The following ZSWIM9 variants were observed in gnomAD, a reference collection of about 807,000 sequenced individuals.
The protein encoded by ZSWIM9 is uncharacterized protein ZSWIM9.
In ZSWIM9, 11 loss-of-function variants were observed where a neutral mutation model predicts 25.0. The observed-to-expected ratio is 0.44, with a 90% CI of 0.28 to 0.73. The LOEUF (loss-of-function observed/expected upper bound fraction) is 0.73. ZSWIM9 is among the 30% of genes least tolerant of loss of function. The pLI is 0.16. For missense variants in ZSWIM9, 1,070 were observed against 1,296.5 expected (o/e 0.83, Z 2.68); for synonymous variants, 562 against 582.1 (o/e 0.97, Z 0.50).
At chr19:48,187,569 T>TATATATTATATATTATATATAA (rs1159441428) in intron 3 of ZSWIM9, 4 of 18,336 alleles carry the variant, frequency 2.2e-4, no homozygotes, top group Non-Finnish European at 4.5e-4. Flanking sequence ...ATATATAATA[T>TATATATTATATATTATATATAA]TATATATATT....
Position 48,196,254 on chromosome 19 carries a change from T to C in ZSWIM9, c.2190T>C (p.Asn730=), listed in dbSNP as rs2037163971. Residue 730 remains asparagine (N), a synonymous_variant, in exon 4 of 4, where the codon AAT becomes AAC. Transcript: ENST00000614654. ...LGDTRVTGME[N]GDGGGARSVG... is the part of the protein sequence containing the mutation. ...ACACGAGGGTCACAGGCATGGAGAA[T>C]GGAGATGGAGGGGGAGCCCGGTCCG... 8.1e-7 allele frequency: 1 copy of C among 1,230,918 alleles called. No homozygotes were observed. The highest frequency in any genetic ancestry group is 1.0e-6 in the Non-Finnish European group (1 of 988,202). The allele number at this position is 1,230,918 out of a possible 1,614,324, so 76.2% of individuals were successfully genotyped here.
chr19:48,171,961 G>A lies in ZSWIM9; in HGVS notation c.159G>A (p.Leu53=). The A allele has an allele frequency of 6.5e-7, 1 of 1,535,834 alleles. No individual in the cohort carries two copies. The highest frequency in any genetic ancestry group is 8.7e-7 in the Non-Finnish European group (1 of 1,146,690). Residue 53 remains leucine (L), a synonymous_variant, in exon 2 of 4, where the codon CTG becomes CTA. Transcript: ENST00000614654. ...TCTTCGTCAAGAGCTCCATGCACCT[G>A]GCGCGCTGCCGCTGGGCCAGTGCGC... The part of the protein sequence containing the change: ...ALFFVKSSMH[L]ARCRWASAPP...
intron 3 of ZSWIM9, chr19:48,190,410 C>G (rs2037079769): frequency 6.5e-6 from 1 of 154,792 alleles, no homozygotes; most frequent in Non-Finnish European, 1.5e-5. Context: ...CTCACTTACA[C>G]AGCCACCACG....
At position 48,172,049 on chromosome 19, in the gene ZSWIM9, G is replaced by A. The variant is rs2036831787; in HGVS notation, c.247G>A (p.Val83Met). 17 of 1,527,116 alleles carry A rather than the reference G, an allele frequency of 1.1e-5. No individual in the cohort carries two copies. The highest frequency in any genetic ancestry group is 2.0e-5 in the Admixed American group (1 of 50,704). 94.6% of individuals were successfully genotyped at this position (1,527,116 alleles called of 1,614,324 possible). A position where few individuals can be genotyped will look rare whatever the true frequency, so the allele number is the denominator to read the frequency against. The change falls in exon 2 of 4, where the codon GTG becomes ATG. Residue 83 changes from valine to methionine, a missense_variant. By Grantham distance (21) the Val-to-Met change is conservative. Around this residue, in one of 4 missense-constraint regions of ZSWIM9, gnomAD observed 265 missense variants for 339.0 expected, o/e 0.78. Coordinates refer to ENST00000614654, the MANE Select transcript of ZSWIM9 (RefSeq NM_199341.4). ...CTACGTGCGGCTTGTGTGCAAGGAC[G>A]TGCGTGCGCCCAGCCGGCCCGCCGT... ...YSYVRLVCKD[V>M]RAPSRPAVGP...
At position 48,194,039 on chromosome 19, in the gene ZSWIM9, G is replaced by A. The variant is rs770835210; in HGVS notation, c.589-614G>A. ...GAATATGGAGGTTAAGGAGGCAACT[G>A]AGGCACAGAGAGGTTAAATCGCAGG... On this transcript the variant is annotated intron_variant, in intron 3 of 3. Coordinates refer to ENST00000614654, the MANE Select transcript of ZSWIM9 (RefSeq NM_199341.4). This position sits in a 1 kb window ranked among gnomAD's most constrained non-coding sequence, Gnocchi z 6.0. 6.6e-6 allele frequency among the ~76,000 whole-genome samples: 1 copy of A among 152,192 alleles called. No homozygotes were observed. The highest frequency in any genetic ancestry group is 1.5e-5 in the Non-Finnish European group (1 of 68,034).
Position 48,196,005 on chromosome 19 carries a change from G to C in ZSWIM9, c.1941G>C (p.Gly647=). The change falls in exon 4 of 4, where the codon GGG becomes GGC. Residue 647 remains glycine, a synonymous_variant. Transcript: ENST00000614654. ...GACTGAGAACTGCAGAATGGAAGGG[G>C]CCACAGTCAGAAGTAGAGAAGGGGA... The part of the protein sequence containing the change: ...AGGLRTAEWK[G]PQSEVEKGRG... The C allele has an allele frequency of 7.8e-7, 1 of 1,281,040 alleles. No individual in the cohort carries two copies. Among genetic ancestry groups the C allele is most frequent in the Non-Finnish European group, 9.8e-7 (1 of 1,016,552 alleles). 79.4% of individuals were successfully genotyped at this position (1,281,040 alleles called of 1,614,324 possible).
chr19:48,185,637 G>A (rs946525658), intron 3 of ZSWIM9, among the ~76,000 whole-genome samples: 1 of 152,060 alleles, frequency 6.6e-6, no homozygotes. Context: ...ATCATATCTC[G>A]CTTTCTATCC....
chr19:48,197,344 T>G lies in ZSWIM9; in HGVS notation c.*517T>G, dbSNP rs901941175. On this transcript the variant is annotated 3_prime_UTR_variant, in exon 4 of 4. Transcript: ENST00000614654. ...AAGCAAAGAGACAGAAATGAAGACA[T>G]GAGGAAAAGCTGGGGGAAGCAGGAG... 5 of 691,566 alleles carry G rather than the reference T, an allele frequency of 7.2e-6. No homozygotes were observed. Among genetic ancestry groups the G allele is most frequent in the African/African-American group, 3.6e-5 (2 of 55,714 alleles). The allele number at this position is 691,566 out of a possible 1,614,324, so 42.8% of individuals were successfully genotyped here. A position where few individuals can be genotyped will look rare whatever the true frequency, so the allele number is the denominator to read the frequency against.
chr19:48,178,295 A>C (rs537205047), intron 2 of ZSWIM9, among the ~76,000 whole-genome samples: 2 of 152,200 alleles, frequency 1.3e-5, no homozygotes, highest in African/African-American at 4.8e-5. Flanking sequence ...GCATGTAGGA[A>C]AAAAGGGGTG....
chr19:48,187,915 T>C (rs1198246164), intron 3 of ZSWIM9: 1 of 149,736 alleles, frequency 6.7e-6, no homozygotes, highest in African/African-American at 2.5e-5. Context: ...TACTCCAGCC[T>C]TGACAACAGA....
Position 48,172,021 on chromosome 19 carries a change from C to T in ZSWIM9, c.219C>T (p.Tyr73=). The change falls in exon 2 of 4, where the codon TAC becomes TAT. Residue 73 remains tyrosine (Y), a synonymous_variant. Transcript: ENST00000614654. The part of the protein sequence containing the change: ...PLYTLIDVLK[Y]SYVRLVCKDV... ...ACACGCTCATCGACGTGCTCAAGTA[C>T]AGCTACGTGCGGCTTGTGTGCAAGG... 1 of 1,534,950 alleles carries T rather than the reference C, an allele frequency of 6.5e-7. No individual in the cohort carries two copies. The highest frequency in any genetic ancestry group is 8.7e-7 in the Non-Finnish European group (1 of 1,146,092).
At chr19:48,186,248 C>A (rs905802399) in intron 3 of ZSWIM9, among the ~76,000 whole-genome samples, 6 of 146,456 alleles carry the variant, frequency 4.1e-5, no homozygotes, top group African/African-American at 1.3e-4. Context: ...TGCCCCGCCA[C>A]CCCCCACCCC....
chr19:48,178,150 G>A (rs2036912431), intron 2 of ZSWIM9, among the ~76,000 whole-genome samples: 1 of 152,182 alleles, frequency 6.6e-6, no homozygotes, highest in Non-Finnish European at 1.5e-5. Context: ...CGCCCGCCTT[G>A]GCCTCCCAAA....
chr19:48,192,498 T>TATATATATATATATATAC (rs369454865), intron 3 of ZSWIM9, among the ~76,000 whole-genome samples: 24 of 20,760 alleles, frequency 1.2e-3, no homozygotes, highest in Non-Finnish European at 2.1e-3. Context: ...TATATATATA[T>TATATATATATATATATAC]ACACACACAC....
chr19:48,183,111 T>G, intron 3 of ZSWIM9: 1 of 177,004 alleles, frequency 5.6e-6, no homozygotes, highest in Non-Finnish European at 1.2e-5. Context: ...ATTAATTAAT[T>G]AATTAATTTT....
chr19:48,187,004 C>T (rs138033238), intron 3 of ZSWIM9, among the ~76,000 whole-genome samples: 72 of 152,162 alleles, frequency 4.7e-4, no homozygotes, highest in Non-Finnish European at 8.4e-4. Context: ...AAACAGCCCT[C>T]AGTTCGTCTT....
At chr19:48,173,826 C>T (rs2036866148) in intron 2 of ZSWIM9, among the ~76,000 whole-genome samples, 1 of 152,012 alleles carries the variant, frequency 6.6e-6, no homozygotes, top group South Asian at 2.1e-4. Context: ...TAGGGTTTCA[C>T]CATGTTGGCC....
At chr19:48,187,501 T>TTATATTATATATATTATATATATTATAA (rs1568579570) in intron 3 of ZSWIM9, among the ~76,000 whole-genome samples, 3 of 4,976 alleles carry the variant, frequency 6.0e-4, no homozygotes, top group African/African-American at 1.1e-3. Flanking sequence ...TTATAATATA[T>TTATATTATATATATTATATATATTATAA]TATATTATAT....
At chr19:48,192,449 C>CAAAA (rs57895777) in intron 3 of ZSWIM9, among the ~76,000 whole-genome samples, 5 of 9,228 alleles carry the variant, frequency 5.4e-4, no homozygotes, top group African/African-American at 1.1e-3. Flanking sequence ...GACTCTGTCT[C>CAAAA]AAAAAAAAAA....
Sources: allele counts gnomAD v4.1 joint callset (sites outside exome capture counted in the v4.1 genomes callset), GRCh38; gene constraint gnomAD v4.1.1; regional missense constraint gnomAD v4.1.1; non-coding constraint Gnocchi (gnomAD v3.1); transcripts MANE v1.5; gene names NCBI Gene and HGNC (gene_info 2026-07-23, HGNC 2026-07-21).